Variants in NKX2-4 observed in about 807,000 individuals in gnomAD.
NKX2-4 encodes the protein NK2 homeobox 4.
Under a neutral mutation model 8.6 loss-of-function variants are expected in NKX2-4, and 6 were observed. The observed-to-expected ratio is 0.70, with a 90% CI of 0.38 to 1.38. NKX2-4 has a LOEUF of 1.38. NKX2-4 is among the 40% of genes most tolerant of loss of function. The pLI is 0.02. For missense variants in NKX2-4, 601 were observed against 548.4 expected (o/e 1.10, Z -0.96); for synonymous variants, 299 against 272.6 (o/e 1.10, Z -0.95).
In NKX2-4 at chr20:21,397,265, C is replaced by G. The variant is rs2039035898; in HGVS notation, c.135G>C (p.Ala45=). The G allele has an allele frequency of 8.1e-7, 1 of 1,241,102 alleles. No homozygotes were observed. Among genetic ancestry groups the G allele is most frequent in the Non-Finnish European group, 1.0e-6 (1 of 998,010 alleles). The allele number at this position is 1,241,102 out of a possible 1,614,324, so 76.9% of individuals were successfully genotyped here. A position where few individuals can be genotyped will look rare whatever the true frequency, so the allele number is the denominator to read the frequency against. ...CAGGTGGCGGCGCGCGGTAGGCGGC[C>G]GCGGCCCCCAGGGGCGCCCCCAGGC... ...PPGLGAPLGA[A]AAYRAPPPGP... is the part of the protein sequence containing the mutation. Residue 45 remains alanine (A), a synonymous_variant, in exon 1 of 2, where the codon GCG becomes GCC. Coordinates refer to ENST00000351817, the MANE Select transcript of NKX2-4 (RefSeq NM_033176.2).
chr20:21,397,058 G>T lies in NKX2-4; in HGVS notation c.342C>A (p.Gly114=). The change falls in exon 1 of 2, where the codon GGC becomes GGA. Residue 114 remains glycine, a synonymous_variant. Transcript: ENST00000351817. The part of the protein sequence containing the change: ...HGAMGSYCNG[G]LGNMGELPAY... ...CGGGCAGCTCGCCCATGTTGCCCAGGCCGCCGTTGCAGTAGCTGCCCATGG... is the reference window on the plus strand; with the variant it reads ...CGGGCAGCTCGCCCATGTTGCCCAGTCCGCCGTTGCAGTAGCTGCCCATGG... 1 of 1,435,464 alleles carries T rather than the reference G, an allele frequency of 7.0e-7. No individual in the cohort carries two copies. The allele number at this position is 1,435,464 out of a possible 1,614,324, so 88.9% of individuals were successfully genotyped here.
chr20:21,396,505 G>A lies in NKX2-4; in HGVS notation c.471C>T (p.Gly157=). ...SISRFMGPSA[G]VNVAGMGSLT... ...GCGACCCCATGCCGGCCACATTCAC[G>A]CCCGCCGACGGCCCCATGAACCTGG... The change falls in exon 2 of 2, where the codon GGC becomes GGT. Residue 157 remains glycine (G), a synonymous_variant. Transcript: ENST00000351817. 4 of 1,438,766 alleles carry A rather than the reference G, an allele frequency of 2.8e-6. No individual in the cohort carries two copies. Among genetic ancestry groups the A allele is most frequent in the South Asian group, 1.5e-5 (1 of 67,840 alleles). The allele number at this position is 1,438,766 out of a possible 1,614,324, so 89.1% of individuals were successfully genotyped here.
Position 21,395,552 on chromosome 20 carries a change from T to G in NKX2-4, c.*359A>C, listed in dbSNP as rs1310064044. On this transcript the variant is annotated 3_prime_UTR_variant, in exon 2 of 2. Coordinates refer to ENST00000351817, the MANE Select transcript of NKX2-4 (RefSeq NM_033176.2). ...AAATTCCACTTCAAAAAGGACTGAT[T>G]GTTAAAGCTGGGTTGATTTTTATAG... The G allele has an allele frequency of 5.9e-6, 1 of 169,348 alleles. No homozygotes were observed. The highest frequency in any genetic ancestry group is 1.6e-4 in the East Asian group (1 of 6,280). The allele number at this position is 169,348 out of a possible 1,614,324, so 10.5% of individuals were successfully genotyped here. A position where few individuals can be genotyped will look rare whatever the true frequency, so the allele number is the denominator to read the frequency against.
Position 21,395,932 on chromosome 20 carries a change from C to T in NKX2-4, c.1044G>A (p.Leu348=), listed in dbSNP as rs760493283. The T allele has an allele frequency of 7.5e-7, 1 of 1,338,258 alleles. No individual in the cohort carries two copies. The highest frequency in any genetic ancestry group is 2.4e-5 in the South Asian group (1 of 41,848). 82.9% of individuals were successfully genotyped at this position (1,338,258 alleles called of 1,614,324 possible). A position where few individuals can be genotyped will look rare whatever the true frequency, so the allele number is the denominator to read the frequency against. ...GCTGTCACCACGTCCTGCCATAGAG[C>T]AGGTTGGCGCCCAGGACGCCGCCGC... ...EYSGGVLGAN[L]LYGRTW Residue 348 remains leucine, a synonymous_variant, in exon 2 of 2, where the codon CTG becomes CTA. Transcript: ENST00000351817.
Position 21,397,085 on chromosome 20 carries a change from GC to G in NKX2-4, c.314del (p.Gly105AlafsTer54). 7.1e-7 allele frequency: 1 copy of G among 1,403,028 alleles called. No homozygotes were observed. The highest frequency in any genetic ancestry group is 9.3e-7 in the Non-Finnish European group (1 of 1,075,376). 86.9% of individuals were successfully genotyped at this position (1,403,028 alleles called of 1,614,324 possible). On this transcript the variant is annotated frameshift_variant, in exon 1 of 2. Transcript: ENST00000351817. LOFTEE classifies it high-confidence loss of function. ...CGCCGTTGCAGTAGCTGCCCATGGC[GC>G]CGTGCGGGAACTGCGAGACGCCGGG... Reference protein sequence around the residue: ...MPPGVSQFPHGAMGSYCNGGL... With the variant: ...MPPGVSQFPHXAMGSYCNGGL...
At chr20:21,396,831 C>T in intron 1 of NKX2-4, 127 bp downstream of exon 1, 1 of 844,964 alleles carries the variant, frequency 1.2e-6, no homozygotes, top group Non-Finnish European at 1.6e-6. Context: ...TCCCAGGACG[C>T]CCCGCGCGCC....
chr20:21,397,064 G>C lies in NKX2-4; in HGVS notation c.336C>G (p.Asn112Lys). 3.5e-6 allele frequency: 5 copies of C among 1,432,708 alleles called. No individual in the cohort carries two copies. The highest frequency in any genetic ancestry group is 3.7e-6 in the Non-Finnish European group (4 of 1,091,958). 88.7% of individuals were successfully genotyped at this position (1,432,708 alleles called of 1,614,324 possible). Residue 112 changes from asparagine to lysine, a missense_variant, in exon 1 of 2, where the codon AAC becomes AAG. Coordinates refer to ENST00000351817, the MANE Select transcript of NKX2-4 (RefSeq NM_033176.2). ...FPHGAMGSYC[N>K]GGLGNMGELP... ...GCTCGCCCATGTTGCCCAGGCCGCCGTTGCAGTAGCTGCCCATGGCGCCGT... is the reference window on the plus strand; with the variant it reads ...GCTCGCCCATGTTGCCCAGGCCGCCCTTGCAGTAGCTGCCCATGGCGCCGT...
chr20:21,397,509 G>T lies in NKX2-4; in HGVS notation c.-110C>A. The stretch of plus-strand genomic sequence containing the variant: ...GCAGCTGAGCCTGTGACGAGGAGTC[G>T]GCGGCTCGGCGAGCCCCCCGGGCTG... On this transcript the variant is annotated 5_prime_UTR_variant, in exon 1 of 2. Coordinates refer to ENST00000351817, the MANE Select transcript of NKX2-4 (RefSeq NM_033176.2). The T allele has an allele frequency of 8.4e-7, 1 of 1,186,848 alleles. No individual in the cohort carries two copies. Among genetic ancestry groups the T allele is most frequent in the Non-Finnish European group, 1.0e-6 (1 of 957,806 alleles). The allele number at this position is 1,186,848 out of a possible 1,614,324, so 73.5% of individuals were successfully genotyped here. A position where few individuals can be genotyped will look rare whatever the true frequency, so the allele number is the denominator to read the frequency against.
chr20:21,396,656 C>G (rs1403911285), intron 1 of NKX2-4, 123 bp from the exon 2 acceptor site: 3 of 830,652 alleles, frequency 3.6e-6, no homozygotes, highest in Non-Finnish European at 5.0e-6. Flanking sequence ...CCCAAGACCC[C>G]CTGACCGCCG....
chr20:21,396,685 C>T (rs1747953699), intron 1 of NKX2-4, 152 bp from the exon 2 acceptor site: 3 of 659,016 alleles, frequency 4.6e-6, no homozygotes, highest in Non-Finnish European at 6.7e-6. Flanking sequence ...GGCCCCAGCA[C>T]GCCCCGCGCG....
At position 21,396,085 on chromosome 20, in the gene NKX2-4, G is replaced by C. The variant is rs2039015174; in HGVS notation, c.891C>G (p.Gly297=). ...CQNGASTPTP[G]QAGPQPPAPT... ...GGGCCGGCGGCTGCGGACCGGCCTG[G>C]CCGGGGGTGGGCGTGCTGGCGCCGT... The change falls in exon 2 of 2, where the codon GGC becomes GGG. Residue 297 remains glycine (G), a synonymous_variant. Transcript: ENST00000351817. The C allele has an allele frequency of 3.7e-6, 5 of 1,343,900 alleles. No individual in the cohort carries two copies. Among genetic ancestry groups the C allele is most frequent in the Non-Finnish European group, 4.7e-6 (5 of 1,054,840 alleles). 83.2% of individuals were successfully genotyped at this position (1,343,900 alleles called of 1,614,324 possible).
In NKX2-4 at chr20:21,397,492, G is replaced by A; in HGVS notation, c.-93C>T. 5 of 1,209,840 alleles carry A rather than the reference G, an allele frequency of 4.1e-6. No homozygotes were observed. The highest frequency in any genetic ancestry group is 5.1e-6 in the Non-Finnish European group (5 of 976,420). The allele number at this position is 1,209,840 out of a possible 1,614,324, so 74.9% of individuals were successfully genotyped here. On this transcript the variant is annotated 5_prime_UTR_variant, in exon 1 of 2. Transcript: ENST00000351817. ...CCGCCACCTCGGCCGCGGCAGCTGA[G>A]CCTGTGACGAGGAGTCGGCGGCTCG...
chr20:21,395,995 G>GC lies in NKX2-4; in HGVS notation c.980dup (p.Gly328ArgfsTer36). On this transcript the variant is annotated frameshift_variant, in exon 2 of 2. Coordinates refer to ENST00000351817, the MANE Select transcript of NKX2-4 (RefSeq NM_033176.2). LOFTEE classifies it low-confidence loss of function (END_TRUNC). Reference sequence around the variant, plus strand: ...CGGCCGCGTCCAGGGCCGCCAGGCCGCCCCCCGGGCCGTGCAGCGCGGGTG... The same window carrying GC: ...CGGCCGCGTCCAGGGCCGCCAGGCCGCCCCCCCGGGCCGTGCAGCGCGGGTG... 1.6e-6 allele frequency: 2 copies of GC among 1,252,610 alleles called. No individual in the cohort carries two copies. The highest frequency in any genetic ancestry group is 1.0e-6 in the Non-Finnish European group (1 of 1,000,152). The allele number at this position is 1,252,610 out of a possible 1,614,324, so 77.6% of individuals were successfully genotyped here. A position where few individuals can be genotyped will look rare whatever the true frequency, so the allele number is the denominator to read the frequency against.
Position 21,397,258 on chromosome 20 carries a change from A to T in NKX2-4, c.142T>A (p.Tyr48Asn). ...LGAPLGAAAAYRAPPPGPSSQ... is the reference protein window; with the variant it reads ...LGAPLGAAAANRAPPPGPSSQ... ...GAGGGCCCAGGTGGCGGCGCGCGGT[A>T]GGCGGCCGCGGCCCCCAGGGGCGCC... Residue 48 changes from tyrosine (Y) to asparagine (N), a missense_variant, in exon 1 of 2, where the codon TAC becomes AAC. By Grantham distance (143) the Tyr-to-Asn change is moderately radical (BLOSUM62 -2). Coordinates refer to ENST00000351817, the MANE Select transcript of NKX2-4 (RefSeq NM_033176.2). 8.1e-7 allele frequency: 1 copy of T among 1,237,922 alleles called. No homozygotes were observed. Among genetic ancestry groups the T allele is most frequent in the Non-Finnish European group, 1.0e-6 (1 of 996,230 alleles). The allele number at this position is 1,237,922 out of a possible 1,614,324, so 76.7% of individuals were successfully genotyped here.
chr20:21,397,302 C>T lies in NKX2-4; in HGVS notation c.98G>A (p.Gly33Asp). ...GGGCGCCCCCAGGCCGGGTGGCGCG[C>T]CGTCCATGGCGCCGCTGAACTTCTT... ...TYKKFSGAMD[G>D]APPGLGAPLG... Residue 33 changes from glycine to aspartate, a missense_variant, in exon 1 of 2, where the codon GGC (glycine) becomes GAC (aspartate). Coordinates refer to ENST00000351817, the MANE Select transcript of NKX2-4 (RefSeq NM_033176.2). 2 of 1,330,178 alleles carry T rather than the reference C, an allele frequency of 1.5e-6. No individual in the cohort carries two copies. The highest frequency in any genetic ancestry group is 2.3e-4 in the Middle Eastern group (1 of 4,280). 82.4% of individuals were successfully genotyped at this position (1,330,178 alleles called of 1,614,324 possible).
In NKX2-4 at chr20:21,396,916, C is replaced by A; in HGVS notation, c.442+42G>T. 5 of 1,339,680 alleles carry A rather than the reference C, an allele frequency of 3.7e-6. No individual in the cohort carries two copies. In the South Asian group the frequency reaches 5.5e-5, roughly 15 times the overall value. 83.0% of individuals were successfully genotyped at this position (1,339,680 alleles called of 1,614,324 possible). On this transcript the variant is annotated intron_variant, in intron 1 of 1. Coordinates refer to ENST00000351817, the MANE Select transcript of NKX2-4 (RefSeq NM_033176.2). ...CGCGCCCCTCGGCTGTGGCGGGAAA[C>A]GCCTGAGCCGCCCGCAGCCCCGCGC...
intron 1 of NKX2-4, 132 bp from the exon 2 acceptor site, chr20:21,396,665 C>A: frequency 1.3e-6 from 1 of 766,134 alleles, no homozygotes; most frequent in Non-Finnish European, 1.8e-6. Flanking sequence ...CCCTGACCGC[C>A]GCGGCCTCCG....
Position 21,396,526 on chromosome 20 carries a change from C to T in NKX2-4, c.450G>A (p.Arg150=), listed in dbSNP as rs868252659. The change falls in exon 2 of 2, where the codon AGG becomes AGA. Residue 150 remains arginine, a synonymous_variant. Coordinates refer to ENST00000351817, the MANE Select transcript of NKX2-4 (RefSeq NM_033176.2). ...NPDPRYSSIS[R]FMGPSAGVNV... is the part of the protein sequence containing the mutation. ...TCACGCCCGCCGACGGCCCCATGAA[C>T]CTGGAGACTGGGGAAGAGTCCCAAG... 2 of 1,427,462 alleles carry T rather than the reference C, an allele frequency of 1.4e-6. No individual in the cohort carries two copies. The highest frequency in any genetic ancestry group is 3.0e-5 in the African/African-American group (2 of 66,052). The allele number at this position is 1,427,462 out of a possible 1,614,324, so 88.4% of individuals were successfully genotyped here.
In NKX2-4 at chr20:21,397,201, G is replaced by T; in HGVS notation, c.199C>A (p.Pro67Thr). The change falls in exon 1 of 2, where the codon CCT becomes ACT. Residue 67 changes from proline to threonine, a missense_variant. Physicochemically the swap from Pro to Thr is conservative, Grantham distance 38. Transcript: ENST00000351817. ...TTGTGACCCGCCATGGCGTGAGAAG[G>T]CTGCATGCCCGCCACGGTCGCCGCC... ...SQAATVAGMQPSHAMAGHNAA... is the reference protein window; with the variant it reads ...SQAATVAGMQTSHAMAGHNAA... 8.0e-7 allele frequency: 1 copy of T among 1,246,332 alleles called. No homozygotes were observed. Among genetic ancestry groups the T allele is most frequent in the Non-Finnish European group, 1.0e-6 (1 of 1,000,722 alleles). The allele number at this position is 1,246,332 out of a possible 1,614,324, so 77.2% of individuals were successfully genotyped here. A position where few individuals can be genotyped will look rare whatever the true frequency, so the allele number is the denominator to read the frequency against.
Sources: gnomAD v4.1 joint callset for allele counts on GRCh38, gnomAD v4.1.1 for gene constraint, MANE v1.5 for transcripts, NCBI Gene and HGNC (gene_info 2026-07-23, HGNC 2026-07-21) for gene names.